Variants in ANKRD11 observed in about 807,000 individuals in gnomAD.
ANKRD11 encodes the protein ankyrin repeat domain-containing protein 11.
A neutral mutation model predicts 195.7 loss-of-function variants in ANKRD11; 17 were observed. The ratio of observed to expected loss-of-function variants is 0.09; its 90% CI spans 0.06 to 0.13. ANKRD11 has a LOEUF of 0.13. Ranked by LOEUF, ANKRD11 falls within the 10% of genes least tolerant of loss-of-function variation. ANKRD11 has a pLI of 1.00. For missense variants in ANKRD11, 3,735 were observed against 3,566.1 expected, an observed-to-expected ratio of 1.05 and a Z score of -1.21; for synonymous variants, 1,953 against 1,528.1, an observed-to-expected ratio of 1.28 and a Z score of -6.49.
intron 1 of ANKRD11, among the ~76,000 whole-genome samples, chr16:89,482,742 T>C (rs2057483546): frequency 6.6e-6 from 1 of 152,034 alleles, no homozygotes; most frequent in Non-Finnish European, 1.5e-5. Flanking sequence ...CAGTGAGCCT[T>C]GATTGTGCCA....
chr16:89,468,781 C>G lies in ANKRD11; in HGVS notation c.-145+21464G>C, dbSNP rs79802917. On this transcript the variant is annotated intron_variant, in intron 1 of 12. Transcript: ENST00000301030. ...TGCTGCCCTACTGTTCTTGGCAGCCCCAATGGCCAGCCTGCTGGATGTTGA... is the reference window on the plus strand; with the variant it reads ...TGCTGCCCTACTGTTCTTGGCAGCCGCAATGGCCAGCCTGCTGGATGTTGA... 6.2e-4 allele frequency among the ~76,000 whole-genome samples: 94 copies of G among 152,242 alleles called. No individual in the cohort carries two copies. The East Asian group carries it at 0.018, about 29-fold the overall frequency.
intron 1 of ANKRD11, chr16:89,443,379 C>A (rs1359057493): frequency 1.3e-5 from 2 of 152,200 alleles, no homozygotes; most frequent in Non-Finnish European, 2.9e-5. Context: ...TACCATAGCC[C>A]CTGTGCAATG....
intron 3 of ANKRD11, among the ~76,000 whole-genome samples, chr16:89,308,914 G>A (rs2036455437): frequency 6.6e-6 from 1 of 152,188 alleles, no homozygotes; most frequent in African/African-American, 2.4e-5. Flanking sequence ...GCCTCGTGGA[G>A]GAGCCCCGTG....
intron 2 of ANKRD11, chr16:89,324,353 G>A (rs1342392429): frequency 7.4e-6 from 8 of 1,082,070 alleles, no homozygotes; most frequent in Non-Finnish European, 1.0e-5. Flanking sequence ...CACAGAAGAG[G>A]GAAAAAGCCA....
intron 2 of ANKRD11, among the ~76,000 whole-genome samples, chr16:89,331,221 T>C (rs1262302693): frequency 6.6e-6 from 1 of 152,254 alleles, no homozygotes; most frequent in Non-Finnish European, 1.5e-5. Context: ...CCCAAAGTGC[T>C]AGGATTACAG....
chr16:89,446,090 T>A (rs17783733), intron 1 of ANKRD11, among the ~76,000 whole-genome samples: 6,304 of 151,512 alleles, frequency 0.042, 258 homozygotes, highest in East Asian at 0.21. Context: ...GATCCACACT[T>A]AGAACCACCA....
At chr16:89,310,113 A>C (rs1022507390) in intron 3 of ANKRD11, among the ~76,000 whole-genome samples, 2 of 152,258 alleles carry the variant, frequency 1.3e-5, no homozygotes, top group African/African-American at 4.8e-5. Context: ...TAAGAATGAG[A>C]GTCGTGTTGT....
chr16:89,368,393 T>G (rs1053061777), intron 2 of ANKRD11, among the ~76,000 whole-genome samples: 68 of 140,776 alleles, frequency 4.8e-4, no homozygotes, highest in Middle Eastern at 3.6e-3. Context: ...TTTTTTTTTT[T>G]TTTTTTTTTA....
intron 3 of ANKRD11, among the ~76,000 whole-genome samples, chr16:89,312,211 T>C (rs1391654511): frequency 6.6e-6 from 1 of 152,162 alleles, no homozygotes; most frequent in Non-Finnish European, 1.5e-5. Context: ...AACTTCCACT[T>C]CTTAAACGTG....
intron 2 of ANKRD11, among the ~76,000 whole-genome samples, chr16:89,388,797 A>G (rs1050883153): frequency 3.3e-5 from 5 of 152,182 alleles, no homozygotes; most frequent in African/African-American, 4.8e-5. Context: ...CCCTGGGAAG[A>G]AGGTTCTGGA....
At chr16:89,452,001 A>G (rs935038654) in intron 1 of ANKRD11, among the ~76,000 whole-genome samples, 4 of 152,112 alleles carry the variant, frequency 2.6e-5, no homozygotes, top group Admixed American at 1.3e-4. Flanking sequence ...TCTCACGTCT[A>G]TAATCCCAGA....
chr16:89,333,467 T>C (rs963995657), intron 2 of ANKRD11, among the ~76,000 whole-genome samples: 2 of 152,194 alleles, frequency 1.3e-5, no homozygotes, highest in Non-Finnish European at 2.9e-5. Context: ...CGTTGTGGTA[T>C]CATACAGAGT....
In ANKRD11 at chr16:89,277,192, G is replaced by A. The variant is rs964459818; in HGVS notation, c.7470+1880C>T. Among the ~76,000 whole-genome samples the A allele has an allele frequency of 1.4e-4, 21 of 152,336 alleles. No individual in the cohort carries two copies. In the East Asian group the frequency reaches 2.1e-3, roughly 15 times the overall value. On this transcript the variant is annotated intron_variant, in intron 9 of 12. Coordinates refer to ENST00000301030, the MANE Select transcript of ANKRD11 (RefSeq NM_013275.6). ...GGGTTCTGCTGAGATGGGGCCCGTCGGTGGCAGGGATTCTGTGGGCCACCT... is the reference window on the plus strand; with the variant it reads ...GGGTTCTGCTGAGATGGGGCCCGTCAGTGGCAGGGATTCTGTGGGCCACCT...
At chr16:89,333,619 T>A (rs1356479608) in intron 2 of ANKRD11, among the ~76,000 whole-genome samples, 1 of 152,198 alleles carries the variant, frequency 6.6e-6, no homozygotes, top group South Asian at 2.1e-4. Context: ...CCCTACAGTG[T>A]GTAGTCCTTG....
intron 3 of ANKRD11, chr16:89,313,615 A>G (rs922789420): frequency 7.8e-7 from 1 of 1,286,934 alleles, no homozygotes; most frequent in Non-Finnish European, 1.0e-6. Flanking sequence ...TTTTGATAAC[A>G]TAAAGCTATA....
At chr16:89,444,886 G>T (rs2043712994) in intron 1 of ANKRD11, among the ~76,000 whole-genome samples, 3 of 152,162 alleles carry the variant, frequency 2.0e-5, no homozygotes, top group African/African-American at 7.2e-5. Context: ...TGCATGAGGG[G>T]CTTAAGCTCA....
Position 89,279,936 on chromosome 16 carries a change from C to G in ANKRD11, c.6606G>C (p.Glu2202Asp). 1 of 1,610,214 alleles carries G rather than the reference C, an allele frequency of 6.2e-7. No individual in the cohort carries two copies. The highest frequency in any genetic ancestry group is 8.5e-7 in the Non-Finnish European group (1 of 1,179,820). ...GCTCCCCTGAGGGCTCAGGCTCGAG[C>G]TCTGCAGGGAGCCGGGTGGAGGCCT... Reference protein sequence around the residue: ...PDQASTRLPAELEPEPSGEPK... With the variant: ...PDQASTRLPADLEPEPSGEPK... The change falls in exon 9 of 13, where the codon GAG (glutamate) becomes GAC (aspartate). Residue 2202 changes from glutamate (E) to aspartate (D), a missense_variant. Glu to Asp is a conservative substitution (Grantham distance 45). Transcript: ENST00000301030. The surrounding 1 kb of genome is among the most constrained non-coding windows in gnomAD (Gnocchi z 5.6).
rs773601806 is a variant in ANKRD11, at chr16:89,284,860, T to G, written c.1682A>C (p.Glu561Ala). 1 of 1,614,064 alleles carries G rather than the reference T, an allele frequency of 6.2e-7. No individual in the cohort carries two copies. Among genetic ancestry groups the G allele is most frequent in the Non-Finnish European group, 8.5e-7 (1 of 1,180,036 alleles). ...WKTISSPAWS[E>A]VSSLSDSTRT... Reference sequence around the variant, plus strand: ...TGTGGAGTCTGATAAAGAACTGACCTCTGACCAAGCCGGGGAAGAAATGGT... The same window carrying G: ...TGTGGAGTCTGATAAAGAACTGACCGCTGACCAAGCCGGGGAAGAAATGGT... The change falls in exon 9 of 13, where the codon GAG becomes GCG. Residue 561 changes from glutamate to alanine, a missense_variant. Glu to Ala is a moderately radical substitution (Grantham distance 107). Coordinates refer to ENST00000301030, the MANE Select transcript of ANKRD11 (RefSeq NM_013275.6).
chr16:89,481,738 G>A (rs2057451164), intron 1 of ANKRD11, among the ~76,000 whole-genome samples: 1 of 152,066 alleles, frequency 6.6e-6, no homozygotes, highest in African/African-American at 2.4e-5. Context: ...TTAATCTGCT[G>A]TCATCTTCCA....
Sources: gnomAD v4.1 joint callset for allele counts (sites outside exome capture counted in the v4.1 genomes callset) on GRCh38, gnomAD v4.1.1 for gene constraint, Gnocchi (gnomAD v3.1) non-coding constraint, MANE v1.5 for transcripts, NCBI Gene and HGNC (gene_info 2026-07-23, HGNC 2026-07-21) for gene names.